Variants in VPS8 observed in about 807,000 individuals in gnomAD.
VPS8 encodes VPS8 subunit of CORVET complex.
VPS8 carries 129 observed loss-of-function variants against 216.4 expected under a neutral mutation model. The observed-to-expected ratio is 0.60, with a 90% CI of 0.52 to 0.69. The LOEUF (loss-of-function observed/expected upper bound fraction) is 0.69. VPS8 is among the 30% of genes least tolerant of loss of function. VPS8 has a pLI of 0.00. For missense variants in VPS8, 1,531 were observed against 1,683.5 expected (o/e 0.91, Z 1.59); for synonymous variants, 571 against 565.4 (o/e 1.01, Z -0.14).
chr3:184,839,557 T>A lies in VPS8; in HGVS notation c.481-141T>A, dbSNP rs188364529. 8.0e-6 allele frequency: 6 copies of A among 752,808 alleles called. No homozygotes were observed. In the African/African-American group the frequency reaches 1.1e-4, roughly 14 times the overall value. The allele number at this position is 752,808 out of a possible 1,614,324, so 46.6% of individuals were successfully genotyped here. ...CCTGAGTTTCATTTCCCGTTTTGCC[T>A]CCTGGATGAAATTCTTCTTATTTAC... On this transcript the variant is annotated intron_variant, in intron 6 of 47. Coordinates refer to ENST00000625842, the MANE Select transcript of VPS8 (RefSeq NM_001009921.3).
At chr3:184,951,550 A>G (rs1744707033) in intron 36 of VPS8, among the ~76,000 whole-genome samples, 1 of 152,142 alleles carries the variant, frequency 6.6e-6, no homozygotes, top group Non-Finnish European at 1.5e-5. Flanking sequence ...TTCCCTAGAA[A>G]TGGTTCAGTT....
intron 15 of VPS8, among the ~76,000 whole-genome samples, chr3:184,861,489 A>C (rs1238467763): frequency 6.6e-6 from 1 of 152,186 alleles, no homozygotes; most frequent in Non-Finnish European, 1.5e-5. Flanking sequence ...TCTTTCTTCC[A>C]TACACATTTT....
intron 21 of VPS8, among the ~76,000 whole-genome samples, chr3:184,880,385 A>G (rs961656282): frequency 1.3e-5 from 2 of 152,192 alleles, no homozygotes; most frequent in Non-Finnish European, 2.9e-5. Flanking sequence ...TATAATTTCA[A>G]TAATGCTATA....
In VPS8 at chr3:184,849,809, T is replaced by TACCTAAAG. The variant is rs1179129956; in HGVS notation, c.667-126_667-125insCCTAAAGA. 9.7e-6 allele frequency: 7 copies of TACCTAAAG among 722,732 alleles called. No homozygotes were observed. In the Admixed American group the frequency reaches 1.1e-4, roughly 12 times the overall value. 44.8% of individuals were successfully genotyped at this position (722,732 alleles called of 1,614,324 possible). ...GGATCTGCAACCTTTAGGTATGTTT[T>TACCTAAAG]AACTTTATAGTTCTTTGCCTGCAAT... On this transcript the variant is annotated intron_variant, in intron 9 of 47. Coordinates refer to ENST00000625842, the MANE Select transcript of VPS8 (RefSeq NM_001009921.3).
intron 25 of VPS8, among the ~76,000 whole-genome samples, chr3:184,910,578 A>C (rs926937672): frequency 3.9e-5 from 6 of 152,144 alleles, no homozygotes; most frequent in African/African-American, 1.4e-4. Context: ...TTTTTCCTGC[A>C]TGGTGGTTTA....
At chr3:184,889,077 G>A (rs1368865037) in intron 22 of VPS8, among the ~76,000 whole-genome samples, 1 of 151,886 alleles carries the variant, frequency 6.6e-6, no homozygotes, top group Non-Finnish European at 1.5e-5. Context: ...TATATGATTT[G>A]GAAAGGAAAT....
chr3:184,849,266 T>C, intron 9 of VPS8, 71 bp downstream of exon 9: 1 of 1,545,374 alleles, frequency 6.5e-7, no homozygotes, highest in Non-Finnish European at 8.8e-7. Context: ...ACTTACATCT[T>C]AGATCAAAGA....
rs1577043047 is a variant in VPS8 at position 184,977,744 on chromosome 3, T to G, written c.3421-4822T>G. 3.2e-5 allele frequency among the ~76,000 whole-genome samples: 3 copies of G among 94,328 alleles called. No homozygotes were observed. In the Admixed American group the frequency reaches 3.2e-4, roughly 10 times the overall value. 61.9% of individuals were successfully genotyped at this position (94,328 alleles called of 152,430 possible). On this transcript the variant is annotated intron_variant, in intron 40 of 47. Transcript: ENST00000625842. ...ATTGCTTATCTTTTTTTTTTTTTTT[T>G]TGTCAACTTTTTCAAAGCTCAGATG...
In VPS8 at chr3:184,867,886, C is replaced by G. The variant is rs1727665323; in HGVS notation, c.1471-138C>G. ...GTTCTTGAAGACCCATTAGTAAATT[C>G]TAAGATATACTTCTAACTGTAGTAT... On this transcript the variant is annotated intron_variant, in intron 17 of 47. Transcript: ENST00000625842. 3 of 812,272 alleles carry G rather than the reference C, an allele frequency of 3.7e-6. No homozygotes were observed. In the Admixed American group the frequency reaches 9.6e-5, roughly 26 times the overall value. 50.3% of individuals were successfully genotyped at this position (812,272 alleles called of 1,614,324 possible). A position where few individuals can be genotyped will look rare whatever the true frequency, so the allele number is the denominator to read the frequency against.
intron 29 of VPS8, chr3:184,922,607 G>T (rs1268724521): frequency 9.3e-6 from 3 of 323,636 alleles, no homozygotes; most frequent in Non-Finnish European, 1.8e-5. Flanking sequence ...CTTGTATGTT[G>T]TCTTGATAGT....
intron 37 of VPS8, among the ~76,000 whole-genome samples, chr3:184,962,724 AGTGTGTGTGT>A (rs10562348): frequency 0.43 from 62,632 of 145,672 alleles, 14,078 homozygotes; most frequent in Middle Eastern, 0.59. Flanking sequence ...TTAAGGCTTA[AGTGTGTGTGT>A]GTGTGTGTGT....
intron 42 of VPS8, among the ~76,000 whole-genome samples, chr3:184,988,281 A>T (rs954382769): frequency 7.2e-5 from 11 of 152,124 alleles, no homozygotes; most frequent in Non-Finnish European, 1.5e-4. Context: ...TTTTTTCCTA[A>T]AAGTTTTGTA....
At chr3:185,031,062 C>CTTTTT (rs1561198896) in intron 46 of VPS8, among the ~76,000 whole-genome samples, 4 of 75,260 alleles carry the variant, frequency 5.3e-5, no homozygotes, top group African/African-American at 3.0e-4. Context: ...TACAGGTTGG[C>CTTTTT]GTTTTTTTTT....
intron 21 of VPS8, among the ~76,000 whole-genome samples, chr3:184,879,457 A>G (rs1729890453): frequency 6.6e-6 from 1 of 152,096 alleles, no homozygotes; most frequent in Non-Finnish European, 1.5e-5. Context: ...TAAAGCAGGT[A>G]TTGCTCACAG....
intron 37 of VPS8, among the ~76,000 whole-genome samples, chr3:184,960,560 C>T (rs1022449982): frequency 2.0e-5 from 3 of 152,138 alleles, no homozygotes; most frequent in African/African-American, 7.2e-5. Context: ...ACACTATATA[C>T]AAATTCAACT....
rs377214393 is a variant in VPS8, at chr3:184,894,734, T to C, written c.1813T>C (p.Leu605=). ...TTTATTTAGTCAGATGTATGATAAA[T>C]TAAGTGAGAATTCAGTGGCCAAAGG... ...DLLFSQMYDK[L]SENSVAKGVF... is the part of the protein sequence containing the mutation. Residue 605 remains leucine, a synonymous_variant, in exon 23 of 48, where the codon TTA becomes CTA. Transcript: ENST00000625842. 26 of 1,606,416 alleles carry C rather than the reference T, an allele frequency of 1.6e-5. No individual in the cohort carries two copies. In the African/African-American group the frequency reaches 1.9e-4, roughly 12 times the overall value.
intron 3 of VPS8, among the ~76,000 whole-genome samples, chr3:184,831,226 G>T (rs1719916080): frequency 6.6e-6 from 1 of 152,224 alleles, no homozygotes; most frequent in Non-Finnish European, 1.5e-5. Flanking sequence ...CTTCTTGGAG[G>T]CTGGAGTGGA....
intron 9 of VPS8, chr3:184,849,713 A>G (rs1256460676): frequency 5.7e-6 from 3 of 529,240 alleles, no homozygotes; most frequent in African/African-American, 1.9e-5. Flanking sequence ...AACATTTAAA[A>G]TCTAAAGGGA....
intron 38 of VPS8, 107 bp from the exon 39 acceptor site, chr3:184,966,564 C>A (rs1354408472): frequency 1.4e-5 from 9 of 635,444 alleles, no homozygotes; most frequent in South Asian, 7.1e-5. Flanking sequence ...TTCTTAATAA[C>A]CTTGTAGTTT....
Sources: gnomAD v4.1 joint callset for allele counts (sites outside exome capture counted in the v4.1 genomes callset) on GRCh38, gnomAD v4.1.1 for gene constraint, MANE v1.5 for transcripts, NCBI Gene and HGNC (gene_info 2026-07-23, HGNC 2026-07-21) for gene names.